The following GRID2 variants were observed in gnomAD, a reference collection of about 807,000 sequenced individuals.
GRID2 encodes the protein glutamate receptor ionotropic, delta-2.
In GRID2, 33 loss-of-function variants were observed where a neutral mutation model predicts 114.8. That is an observed-to-expected ratio of 0.29 (90% CI 0.22 to 0.38). GRID2 has a LOEUF of 0.38. Ranked by LOEUF, GRID2 falls within the 10% of genes least tolerant of loss-of-function variation. GRID2 has a pLI of 1.00. For synonymous variants in GRID2, 505 were observed against 449.9 expected (o/e 1.12, Z -1.55); for missense variants, 1,184 against 1,257.7 (o/e 0.94, Z 0.89).
At chr4:93,507,958 T>G (rs1728788245) in intron 12 of GRID2, among the ~76,000 whole-genome samples, 1 of 151,876 alleles carries the variant, frequency 6.6e-6, no homozygotes, top group South Asian at 2.1e-4. Context: ...AAATGAACAA[T>G]GAGAACACAT....
At chr4:93,742,186 A>G (rs903657685) in intron 14 of GRID2, among the ~76,000 whole-genome samples, 2 of 152,112 alleles carry the variant, frequency 1.3e-5, no homozygotes, top group Non-Finnish European at 2.9e-5. Flanking sequence ...CTGAACACTA[A>G]TTTCTTCATT....
chr4:93,591,039 C>T (rs1361595611), intron 13 of GRID2, among the ~76,000 whole-genome samples: 2 of 150,426 alleles, frequency 1.3e-5, no homozygotes, highest in Non-Finnish European at 3.0e-5. Context: ...TAATTGAATA[C>T]CCTTTATTTC....
intron 2 of GRID2, among the ~76,000 whole-genome samples, chr4:92,963,613 C>T (rs539691567): frequency 4.6e-5 from 7 of 151,978 alleles, no homozygotes; most frequent in Admixed American, 3.9e-4. Context: ...ACTTCTTCCA[C>T]TGAAGTATTG....
chr4:93,699,350 C>T (rs1458184526), intron 14 of GRID2, among the ~76,000 whole-genome samples: 1 of 151,782 alleles, frequency 6.6e-6, no homozygotes, highest in Admixed American at 6.6e-5. Context: ...TATAAATAGC[C>T]ATAAAAGTTA....
At chr4:93,400,226 T>C (rs1025734840) in intron 9 of GRID2, among the ~76,000 whole-genome samples, 10 of 152,232 alleles carry the variant, frequency 6.6e-5, no homozygotes, top group South Asian at 2.1e-4. Flanking sequence ...ATATGTTGGA[T>C]TGATAACTTA....
chr4:92,755,253 C>T (rs528198403), intron 2 of GRID2, among the ~76,000 whole-genome samples: 25 of 152,230 alleles, frequency 1.6e-4, no homozygotes, highest in Non-Finnish European at 3.1e-4. Flanking sequence ...TAATCTATAC[C>T]TATTGTTATT....
At chr4:93,111,825 A>G (rs1732797153) in intron 4 of GRID2, 1 of 146,570 alleles carries the variant, frequency 6.8e-6, no homozygotes, top group African/African-American at 2.5e-5. Flanking sequence ...AAGATTCCAA[A>G]TTAGGAACAT....
intron 2 of GRID2, among the ~76,000 whole-genome samples, chr4:93,043,082 G>C (rs1725756888): frequency 6.6e-6 from 1 of 152,118 alleles, no homozygotes; most frequent in Admixed American, 6.6e-5. Context: ...TGCTAGGCAA[G>C]ATATCAAGGT....
At chr4:93,527,758 T>C (rs1731055263) in intron 13 of GRID2, among the ~76,000 whole-genome samples, 1 of 152,164 alleles carries the variant, frequency 6.6e-6, no homozygotes, top group Non-Finnish European at 1.5e-5. Flanking sequence ...GTGTACAGTT[T>C]AGTAGCATTA....
chr4:92,473,309 T>C (rs1396273902), intron 1 of GRID2, among the ~76,000 whole-genome samples: 1 of 152,096 alleles, frequency 6.6e-6, no homozygotes, highest in African/African-American at 2.4e-5. Context: ...CACTTTTTAG[T>C]TCCAGTGGCT....
chr4:92,449,526 A>G (rs1720773853), intron 1 of GRID2, among the ~76,000 whole-genome samples: 2 of 151,220 alleles, frequency 1.3e-5, no homozygotes, highest in African/African-American at 4.8e-5. Context: ...GAAAATAGGA[A>G]CTTCAGTATT....
At chr4:92,566,879 G>T (rs553411963) in intron 1 of GRID2, among the ~76,000 whole-genome samples, 3 of 152,108 alleles carry the variant, frequency 2.0e-5, no homozygotes, top group African/African-American at 7.2e-5. Flanking sequence ...CAGTGGTTAG[G>T]TAGGAAAGCT....
intron 14 of GRID2, among the ~76,000 whole-genome samples, chr4:93,704,075 A>T (rs924908763): frequency 3.9e-5 from 6 of 152,242 alleles, no homozygotes; most frequent in Non-Finnish European, 8.8e-5. Context: ...CGCCACACTG[A>T]CTTCCACAAT....
At chr4:93,625,146 A>T (rs551677029) in intron 13 of GRID2, among the ~76,000 whole-genome samples, 29 of 152,274 alleles carry the variant, frequency 1.9e-4, no homozygotes, top group Non-Finnish European at 4.0e-4. Context: ...TAGAATAGGG[A>T]TCACATGCAA....
chr4:92,936,159 T>A lies in GRID2; in HGVS notation c.245-148836T>A, dbSNP rs146354429. Among the ~76,000 whole-genome samples the A allele has an allele frequency of 6.0e-4, 88 of 147,092 alleles. 4 individuals are homozygous for A. The highest frequency in any genetic ancestry group is 1.9e-3 in the African/African-American group (79 of 41,334). ...AGTATATTTTGTTATCTCTTTAATT[T>A]TCTTTCAATTGTTACATTTATATTG... On this transcript the variant is annotated intron_variant, in intron 2 of 15. Coordinates refer to ENST00000282020, the MANE Select transcript of GRID2 (RefSeq NM_001510.4).
At chr4:93,257,995 TATATACACACACACAC>T (rs1366523825) in intron 8 of GRID2, among the ~76,000 whole-genome samples, 4 of 41,810 alleles carry the variant, frequency 9.6e-5, no homozygotes, top group South Asian at 1.2e-3. Context: ...TATATATATA[TATATACACACACACAC>T]ACACACACAC....
chr4:93,726,248 C>T (rs1578669576), intron 14 of GRID2, among the ~76,000 whole-genome samples: 1 of 152,102 alleles, frequency 6.6e-6, no homozygotes, highest in Non-Finnish European at 1.5e-5. Context: ...GGGCATCCTT[C>T]CCCCATTGGT....
chr4:93,170,913 A>G (rs551582177), intron 4 of GRID2, among the ~76,000 whole-genome samples: 2 of 151,868 alleles, frequency 1.3e-5, no homozygotes, highest in East Asian at 3.9e-4. Context: ...TTACTTTTAA[A>G]TATACTCAGA....
chr4:93,452,878 G>A (rs1444786620), intron 10 of GRID2, among the ~76,000 whole-genome samples: 1 of 151,694 alleles, frequency 6.6e-6, no homozygotes, highest in Non-Finnish European at 1.5e-5. Context: ...TTCTGAATTA[G>A]TGGTCCTTGG....
Sources: gnomAD v4.1 joint callset for allele counts (sites outside exome capture counted in the v4.1 genomes callset) on GRCh38, gnomAD v4.1.1 for gene constraint, MANE v1.5 for transcripts, NCBI Gene and HGNC (gene_info 2026-07-23, HGNC 2026-07-21) for gene names.